PNPLA4: variants seen among roughly 807,000 people sequenced by gnomAD.
PNPLA4 encodes patatin-like phospholipase domain-containing protein 4.
PNPLA4 carries 15 observed loss-of-function variants against 18.3 expected under a neutral mutation model. The observed-to-expected ratio is 0.82, with a 90% CI of 0.55 to 1.26. The LOEUF is 1.26. Ranked by LOEUF, PNPLA4 falls within the 50% of genes most tolerant of loss-of-function variation. The pLI, the probability that PNPLA4 is intolerant of heterozygous loss-of-function variation, is 0.00. For synonymous variants in PNPLA4, 88 were observed against 85.6 expected (o/e 1.03, Z -0.16); for missense variants, 229 against 196.8 (o/e 1.16, Z -0.98).
Position 7,902,155 on chromosome X carries a change from C to T in PNPLA4, c.478-14G>A. ...GTCCACCCACTTCTGTGGAAAGAAA[C>T]ATCTCACGTCAGCACACGTCAACAA... On this transcript the variant is annotated splice_polypyrimidine_tract_variant and intron_variant, in intron 5 of 6. Transcript: ENST00000381042. 1 of 1,189,521 alleles carries T rather than the reference C, an allele frequency of 8.4e-7. No individual in the cohort carries two copies. Among genetic ancestry groups the T allele is most frequent in the Non-Finnish European group, 1.1e-6 (1 of 884,067 alleles).
chrX:7,926,240 T>C, intron 1 of PNPLA4, 108 bp from the exon 2 acceptor site: 2 of 530,258 alleles, frequency 3.8e-6, no homozygotes, highest in Admixed American at 4.1e-5. Context: ...CATCATTCTC[T>C]GTTTTAAGCA....
chrX:7,918,727 C>T (rs1429921213), intron 4 of PNPLA4, among the ~76,000 whole-genome samples: 3 of 111,563 alleles, frequency 2.7e-5, no homozygotes, highest in Non-Finnish European at 5.6e-5. Context: ...AAGCACCATC[C>T]TCCCATGGCA....
chrX:7,924,175 C>G (rs763215806), intron 2 of PNPLA4, among the ~76,000 whole-genome samples: 1 of 112,051 alleles, frequency 8.9e-6, no homozygotes, highest in South Asian at 3.8e-4. Flanking sequence ...GAAAGTCTTG[C>G]AGCATTGAGC....
chrX:7,906,295 C>G (rs1356468784), intron 5 of PNPLA4, among the ~76,000 whole-genome samples: 4 of 111,511 alleles, frequency 3.6e-5, no homozygotes, highest in Non-Finnish European at 5.7e-5. Flanking sequence ...GAAGAAGAGA[C>G]AGATGAGATT....
Position 7,898,345 on chromosome X carries a change from C to T in PNPLA4, c.*2341G>A, listed in dbSNP as rs1248793789. ...TCAAGCTGCCAATCACAGTAATTACCCTGCAAACATATCAGTATCTGGGTC... is the reference window on the plus strand; with the variant it reads ...TCAAGCTGCCAATCACAGTAATTACTCTGCAAACATATCAGTATCTGGGTC... On this transcript the variant is annotated 3_prime_UTR_variant, in exon 7 of 7. Transcript: ENST00000381042. The T allele has an allele frequency of 9.0e-6, 1 of 111,716 alleles. No homozygotes were observed. The highest frequency in any genetic ancestry group is 9.5e-5 in the Admixed American group (1 of 10,553). 9.2% of individuals were successfully genotyped at this position (111,716 alleles called of 1,213,427 possible). A position where few individuals can be genotyped will look rare whatever the true frequency, so the allele number is the denominator to read the frequency against.
At chrX:7,922,912 C>T (rs142999892) in intron 2 of PNPLA4, among the ~76,000 whole-genome samples, 3,085 of 112,025 alleles carry the variant, frequency 0.028, 92 homozygotes, top group Admixed American at 0.1. Flanking sequence ...GTCATAAGTG[C>T]CTCCAAGAGC....
At position 7,903,318 on chromosome X, in the gene PNPLA4, G is replaced by C. The variant is rs749259489; in HGVS notation, c.478-1177C>G. On this transcript the variant is annotated intron_variant, in intron 5 of 6. Coordinates refer to ENST00000381042, the MANE Select transcript of PNPLA4 (RefSeq NM_004650.3). ...TATTTATTTATTTATTTATTTATTT[G>C]AGACAGAGTCTCGCTCTGTCGCCCA... is the stretch of plus-strand genomic sequence containing the variant. Among the ~76,000 whole-genome samples, 217 of 87,569 alleles carry C rather than the reference G, an allele frequency of 2.5e-3. 2 individuals are homozygous for C. The highest frequency in any genetic ancestry group is 7.7e-3 in the African/African-American group (203 of 26,293). The allele number at this position is 87,569 out of a possible 115,157, so 76.0% of individuals were successfully genotyped here.
intron 4 of PNPLA4, among the ~76,000 whole-genome samples, chrX:7,920,093 T>G (rs1924167016): frequency 9.0e-6 from 1 of 110,741 alleles, no homozygotes; most frequent in Non-Finnish European, 1.9e-5. Flanking sequence ...AGGACAGCAG[T>G]AAAAGAGGTA....
chrX:7,925,529 G>A lies in PNPLA4; in HGVS notation c.180+411C>T, dbSNP rs887783034. Among the ~76,000 whole-genome samples, 45 of 112,120 alleles carry A rather than the reference G, an allele frequency of 4.0e-4. 1 individual carries two copies. Among genetic ancestry groups the A allele is most frequent in the African/African-American group, 1.5e-3 (45 of 30,832 alleles). On this transcript the variant is annotated intron_variant, in intron 2 of 6. Transcript: ENST00000381042. ...TATACCATTCCACTTAATAGAAACT[G>A]CATGCCCACATTTTAATTTATGTAT... is the stretch of plus-strand genomic sequence containing the variant.
intron 5 of PNPLA4, among the ~76,000 whole-genome samples, chrX:7,909,341 C>T (rs1422675935): frequency 2.7e-5 from 3 of 111,385 alleles, no homozygotes; most frequent in African/African-American, 6.5e-5. Flanking sequence ...GGGTGGATCA[C>T]GAGGTCAGGA....
chrX:7,906,462 T>A (rs1179161), intron 5 of PNPLA4, among the ~76,000 whole-genome samples: 1 of 110,726 alleles, frequency 9.0e-6, no homozygotes, highest in Non-Finnish European at 1.9e-5. Flanking sequence ...AGATATCTAC[T>A]TTTGAGAAGG....
chrX:7,925,028 C>T (rs1046284258), intron 2 of PNPLA4, among the ~76,000 whole-genome samples: 8 of 112,056 alleles, frequency 7.1e-5, no homozygotes, highest in African/African-American at 2.6e-4. Context: ...AGGTTCTGGT[C>T]CTGTTTAATC....
intron 4 of PNPLA4, among the ~76,000 whole-genome samples, chrX:7,916,569 G>A (rs1924052247): frequency 9.0e-6 from 1 of 111,445 alleles, no homozygotes; most frequent in Non-Finnish European, 1.9e-5. Flanking sequence ...ACCTTGTTCT[G>A]AAGGTCTCCA....
Position 7,911,722 on chromosome X carries a change from T to C in PNPLA4, c.477+306A>G, listed in dbSNP as rs190204674. Reference sequence around the variant, plus strand: ...CACCCTGACGGTGGTACAACTCTGCTTAGAAGGGGCTGTGAGTATGGACTT... The same window carrying C: ...CACCCTGACGGTGGTACAACTCTGCCTAGAAGGGGCTGTGAGTATGGACTT... On this transcript the variant is annotated intron_variant, in intron 5 of 6. Coordinates refer to ENST00000381042, the MANE Select transcript of PNPLA4 (RefSeq NM_004650.3). Among the ~76,000 whole-genome samples the C allele has an allele frequency of 2.6e-3, 290 of 110,519 alleles. 1 individual carries two copies. Among genetic ancestry groups the C allele is most frequent in the African/African-American group, 9.1e-3 (276 of 30,367 alleles).
At position 7,925,965 on chromosome X, in the gene PNPLA4, A is replaced by G; in HGVS notation, c.155T>C (p.Leu52Pro). 18 of 1,211,025 alleles carry G rather than the reference A, an allele frequency of 1.5e-5. No individual in the cohort carries two copies. The highest frequency in any genetic ancestry group is 2.0e-5 in the Non-Finnish European group (18 of 894,967). Residue 52 changes from leucine to proline, a missense_variant, in exon 2 of 7, where the codon CTG (leucine) becomes CCG (proline). By Grantham distance (98) the Leu-to-Pro change is moderately conservative. Coordinates refer to ENST00000381042, the MANE Select transcript of PNPLA4 (RefSeq NM_004650.3). ...ASAGSLVASV[L>P]LTAPEKIEEC... is the part of the protein sequence containing the mutation. ...CTCTATTTTTTCTGGTGCTGTTAGC[A>G]GAACAGAAGCAACCAACGATCCCGC...
At chrX:7,901,590 G>C (rs906994695) in intron 6 of PNPLA4, among the ~76,000 whole-genome samples, 9 of 110,997 alleles carry the variant, frequency 8.1e-5, no homozygotes, top group Non-Finnish European at 1.5e-4. Flanking sequence ...CTCTCTCAAA[G>C]AAGAAAAAAA....
chrX:7,926,058 GC>G lies in PNPLA4; in HGVS notation c.61del (p.Ala21GlnfsTer13). On this transcript the variant is annotated frameshift_variant, in exon 2 of 7. Transcript: ENST00000381042. ...GCCATGTCTGCAAAGTGCAGATGCT[GC>G]CCCCAAGTGGTAAATGCCCAGAAAT... ...CGFLGIYHLG[A>X]ASALCRHGKK... is the part of the protein sequence containing the mutation. 8.3e-7 allele frequency: 1 copy of G among 1,210,735 alleles called. No individual in the cohort carries two copies. Among genetic ancestry groups the G allele is most frequent in the Non-Finnish European group, 1.1e-6 (1 of 894,488 alleles).
intron 4 of PNPLA4, among the ~76,000 whole-genome samples, chrX:7,913,995 T>C (rs1464141954): frequency 1.8e-5 from 2 of 112,616 alleles, no homozygotes; most frequent in African/African-American, 6.5e-5. Flanking sequence ...GTCAATTTCA[T>C]GCACATCTAT....
chrX:7,906,847 C>A (rs755839026), intron 5 of PNPLA4, among the ~76,000 whole-genome samples: 1 of 112,099 alleles, frequency 8.9e-6, no homozygotes, highest in South Asian at 3.7e-4. Flanking sequence ...GGAAAAATGA[C>A]CCATATCCGC....
Sources: allele counts gnomAD v4.1 joint callset (sites outside exome capture counted in the v4.1 genomes callset), GRCh38; gene constraint gnomAD v4.1.1; transcripts MANE v1.5; gene names NCBI Gene and HGNC (gene_info 2026-07-23, HGNC 2026-07-21).